NDUFAF6: variants seen among roughly 807,000 people sequenced by gnomAD.
NDUFAF6 encodes the protein NADH dehydrogenase (ubiquinone) complex I, assembly factor 6.
Under a neutral mutation model 40.8 loss-of-function variants are expected in NDUFAF6, and 45 were observed. The observed-to-expected ratio is 1.10, with a 90% CI of 0.87 to 1.42. The LOEUF is 1.42. Ranked by LOEUF, NDUFAF6 falls within the 40% of genes most tolerant of loss-of-function variation. NDUFAF6 has a pLI of 0.00. For synonymous variants in NDUFAF6, 185 were observed against 155.9 expected (o/e 1.19, Z -1.39); for missense variants, 435 against 418.5 (o/e 1.04, Z -0.34).
intron 1 of NDUFAF6, among the ~76,000 whole-genome samples, chr8:94,935,122 GATAGAT>G (rs775962221): frequency 9.0e-4 from 103 of 114,976 alleles, no homozygotes; most frequent in African/African-American, 3.4e-3. Context: ...TACATAGGTA[GATAGAT>G]ATAGATAGAT....
intron 9 of NDUFAF6, among the ~76,000 whole-genome samples, chr8:95,070,155 C>T (rs1197640559): frequency 1.3e-5 from 2 of 152,018 alleles, no homozygotes; most frequent in Non-Finnish European, 2.9e-5. Flanking sequence ...AGCTGGGCAG[C>T]TTGGGTTTAT....
At chr8:94,933,437 G>T (rs976464104) in intron 1 of NDUFAF6, among the ~76,000 whole-genome samples, 1 of 152,126 alleles carries the variant, frequency 6.6e-6, no homozygotes, top group African/African-American at 2.4e-5. Context: ...AAACAAAATG[G>T]TGGAGATCAT....
upstream of NDUFAF6, among the ~76,000 whole-genome samples, chr8:95,098,959 G>C (rs530315890): frequency 2.6e-5 from 4 of 152,058 alleles, no homozygotes; most frequent in South Asian, 8.3e-4. Context: ...ACTGGCTCTA[G>C]GCTGGGTGTG....
chr8:95,054,554 C>A (rs1410895668), intron 8 of NDUFAF6, among the ~76,000 whole-genome samples: 1 of 151,966 alleles, frequency 6.6e-6, no homozygotes, highest in African/African-American at 2.4e-5. Flanking sequence ...CCTGCCTCAG[C>A]TTCCCGAGTA....
chr8:95,028,487 AT>A (rs1386502424), intron 1 of NDUFAF6, among the ~76,000 whole-genome samples: 1 of 152,216 alleles, frequency 6.6e-6, no homozygotes, highest in Non-Finnish European at 1.5e-5. Flanking sequence ...AGGGGGTAAT[AT>A]TGTTTAGAAA....
At chr8:94,916,981 G>A (rs1181842369) in intron 1 of NDUFAF6, among the ~76,000 whole-genome samples, 6 of 151,316 alleles carry the variant, frequency 4.0e-5, no homozygotes, top group Non-Finnish European at 8.8e-5. Context: ...AGGCATGGTG[G>A]CGGGCACCTG....
At chr8:94,902,038 C>G (rs1371603956) in intron 1 of NDUFAF6, among the ~76,000 whole-genome samples, 2 of 151,932 alleles carry the variant, frequency 1.3e-5, no homozygotes, top group African/African-American at 2.4e-5. Context: ...ATCTTATTTT[C>G]TGGTGCATTT....
In NDUFAF6 at chr8:95,036,531, C is replaced by T. The variant is rs1829526343; in HGVS notation, c.420+955C>T. On this transcript the variant is annotated intron_variant, in intron 3 of 8. Transcript: ENST00000396124. Reference sequence around the variant, plus strand: ...ATTAGTTCTTTACCTCTGTTCATCCCACTTCAAGAAGCTCAACCTAGGTGA... The same window carrying T: ...ATTAGTTCTTTACCTCTGTTCATCCTACTTCAAGAAGCTCAACCTAGGTGA... 3.1e-6 allele frequency: 4 copies of T among 1,273,826 alleles called. No homozygotes were observed. In the South Asian group the frequency reaches 5.0e-5, roughly 16 times the overall value. The allele number at this position is 1,273,826 out of a possible 1,614,324, so 78.9% of individuals were successfully genotyped here.
At chr8:95,002,409 CACAT>C (rs1369683477) in intron 2 of NDUFAF6, among the ~76,000 whole-genome samples, 3 of 152,198 alleles carry the variant, frequency 2.0e-5, no homozygotes, top group South Asian at 2.1e-4. Context: ...CAAAAACTAA[CACAT>C]ACAAGTCCAA....
chr8:94,961,145 A>G (rs1228053427), intron 1 of NDUFAF6, among the ~76,000 whole-genome samples: 1 of 152,158 alleles, frequency 6.6e-6, no homozygotes, highest in South Asian at 2.1e-4. Flanking sequence ...CAATTAGAAA[A>G]TTTTTTCTCT....
intron 9 of NDUFAF6, among the ~76,000 whole-genome samples, chr8:95,064,684 C>G (rs1832659560): frequency 1.3e-5 from 2 of 149,636 alleles, no homozygotes; most frequent in Non-Finnish European, 3.0e-5. Context: ...TCTCTCTGAC[C>G]TTCTGCTCTC....
At chr8:94,994,063 A>G (rs770379015) in intron 2 of NDUFAF6, among the ~76,000 whole-genome samples, 1 of 152,094 alleles carries the variant, frequency 6.6e-6, no homozygotes, top group Non-Finnish European at 1.5e-5. Context: ...GAGAAGGTAT[A>G]GGTCAGATTC....
chr8:94,906,602 A>G lies in NDUFAF6; in HGVS notation c.-936+10675A>G, dbSNP rs137993700. ...AAGCCTGCCTCTTGCCTCTAGGGTC[A>G]CTGTGTCAAAGAATGTTCACCTGGG... is the stretch of plus-strand genomic sequence containing the variant. On this transcript the variant is annotated intron_variant, in intron 1 of 14. Transcript: ENST00000396113. Among the ~76,000 whole-genome samples the G allele has an allele frequency of 3.0e-4, 45 of 152,270 alleles. 1 individual carries two copies. The East Asian group carries it at 8.1e-3, about 27-fold the overall frequency.
At chr8:95,114,502 G>T (rs1367618421) in intron 4 of NDUFAF6, among the ~76,000 whole-genome samples, 2 of 152,198 alleles carry the variant, frequency 1.3e-5, no homozygotes, top group African/African-American at 2.4e-5. Context: ...TACTTCACAG[G>T]AACTTTTAAA....
At position 94,939,676 on chromosome 8, in the gene NDUFAF6, G is replaced by A. The variant is rs573338471; in HGVS notation, c.-935-5807G>A. Reference sequence around the variant, plus strand: ...GCCTCCCAAAGTGCTGGGATTACAGGTGTGAGACACTGTGACTGGTCAACA... The same window carrying A: ...GCCTCCCAAAGTGCTGGGATTACAGATGTGAGACACTGTGACTGGTCAACA... On this transcript the variant is annotated intron_variant, in intron 1 of 14. Coordinates refer to the NDUFAF6 transcript ENST00000396113. 15 of 803,244 alleles carry A rather than the reference G, an allele frequency of 1.9e-5. No homozygotes were observed. In the East Asian group the frequency reaches 4.5e-4, roughly 24 times the overall value. The allele number at this position is 803,244 out of a possible 1,614,324, so 49.8% of individuals were successfully genotyped here.
At chr8:95,052,085 C>G in intron 7 of NDUFAF6, 89 bp from the exon 8 acceptor site, 1 of 1,176,746 alleles carries the variant, frequency 8.5e-7, no homozygotes, top group Non-Finnish European at 1.3e-6. Context: ...GAGGCCCTAT[C>G]AGTATTGTTA....
chr8:94,956,485 A>C (rs1823083994), upstream of NDUFAF6, among the ~76,000 whole-genome samples: 5 of 152,094 alleles, frequency 3.3e-5, no homozygotes, highest in African/African-American at 1.2e-4. Context: ...AGGGAAAGAG[A>C]CTGGAGAAGG....
chr8:95,080,936 A>T (rs945827937), downstream of NDUFAF6, among the ~76,000 whole-genome samples: 1 of 152,116 alleles, frequency 6.6e-6, no homozygotes, highest in African/African-American at 2.4e-5. Context: ...CAGTTCACCC[A>T]CTGTGCTCTC....
intron 2 of NDUFAF6, among the ~76,000 whole-genome samples, chr8:94,981,322 C>G (rs1263073887): frequency 6.6e-6 from 1 of 152,220 alleles, no homozygotes; most frequent in Non-Finnish European, 1.5e-5. Context: ...CCAGATGCAG[C>G]TGCCTGATCT....
Sources: gnomAD v4.1 joint callset for allele counts (sites outside exome capture counted in the v4.1 genomes callset) on GRCh38, gnomAD v4.1.1 for gene constraint, MANE v1.5 for transcripts, NCBI Gene and HGNC (gene_info 2026-07-23, HGNC 2026-07-21) for gene names.